Variants in NFYC observed in about 807,000 individuals in gnomAD.
The protein encoded by NFYC is CAAT box DNA-binding protein subunit C.
In NFYC, 25 loss-of-function variants were observed where a neutral mutation model predicts 53.1. The ratio of observed to expected loss-of-function variants is 0.47; its 90% CI spans 0.34 to 0.66. The LOEUF is 0.66. NFYC is among the 30% of genes least tolerant of loss of function. The pLI is 0.01. For synonymous variants in NFYC, 145 were observed against 152.6 expected (o/e 0.95, Z 0.37); for missense variants, 260 against 422.7 (o/e 0.62, Z 3.38).
intron 1 of NFYC, among the ~76,000 whole-genome samples, chr1:40,703,347 C>G (rs1292447881): frequency 6.6e-6 from 1 of 151,482 alleles, no homozygotes; most frequent in East Asian, 1.9e-4. Flanking sequence ...TAAAAATTAG[C>G]TGGGTGTGGT....
chr1:40,740,345 A>G (rs1645273697), intron 2 of NFYC, among the ~76,000 whole-genome samples: 1 of 152,240 alleles, frequency 6.6e-6, no homozygotes, highest in Non-Finnish European at 1.5e-5. Flanking sequence ...AATGAACCAG[A>G]CAGACAGGAT....
intron 1 of NFYC, among the ~76,000 whole-genome samples, chr1:40,715,239 A>G (rs1644088630): frequency 6.6e-6 from 1 of 151,910 alleles, no homozygotes; most frequent in South Asian, 2.1e-4. Context: ...CCCAGCCTTT[A>G]CTAAAAAAAC....
intron 1 of NFYC, among the ~76,000 whole-genome samples, chr1:40,697,466 G>GT (rs1164219076): frequency 1.3e-5 from 2 of 152,192 alleles, no homozygotes; most frequent in African/African-American, 2.4e-5. Context: ...AGGATCATTT[G>GT]TTTCAGGGAA....
chr1:40,766,476 C>T, intron 7 of NFYC, 120 bp from the exon 8 acceptor site: 1 of 701,542 alleles, frequency 1.4e-6, no homozygotes, highest in Non-Finnish European at 2.4e-6. Flanking sequence ...TTTTTCAGGG[C>T]AGGCTTCTTT....
rs922616935 is a variant in NFYC at position 40,766,797 on chromosome 1, C to T, written c.828+94C>T. On this transcript the variant is annotated intron_variant, in intron 8 of 9. Coordinates refer to ENST00000447388, the MANE Select transcript of NFYC (RefSeq NM_014223.5). ...CGCTCAGCACACAGCTGTCTTGCCACCTCATCCTTCAACCAGAAGCACCAC... is the reference window on the plus strand; with the variant it reads ...CGCTCAGCACACAGCTGTCTTGCCATCTCATCCTTCAACCAGAAGCACCAC... 7 of 1,487,600 alleles carry T rather than the reference C, an allele frequency of 4.7e-6. No homozygotes were observed. The African/African-American group carries it at 6.9e-5, about 15-fold the overall frequency. The allele number at this position is 1,487,600 out of a possible 1,614,324, so 92.2% of individuals were successfully genotyped here. A position where few individuals can be genotyped will look rare whatever the true frequency, so the allele number is the denominator to read the frequency against.
At chr1:40,728,105 G>A (rs1291701547) in intron 1 of NFYC, among the ~76,000 whole-genome samples, 1 of 151,736 alleles carries the variant, frequency 6.6e-6, no homozygotes, top group African/African-American at 2.4e-5. Flanking sequence ...GTAGAGATGG[G>A]GTTTCATTAT....
chr1:40,702,770 A>G (rs1390848224), intron 1 of NFYC, among the ~76,000 whole-genome samples: 1 of 152,170 alleles, frequency 6.6e-6, no homozygotes, highest in African/African-American at 2.4e-5. Context: ...TGGGTGAGAG[A>G]TAATGGGTCA....
chr1:40,748,496 A>G (rs1310055982), intron 3 of NFYC, among the ~76,000 whole-genome samples: 2 of 152,238 alleles, frequency 1.3e-5, no homozygotes, highest in African/African-American at 4.8e-5. Context: ...TCAACAGGAC[A>G]GTGCCATCAT....
Position 40,762,935 on chromosome 1 carries a change from TG to T in NFYC, c.610del (p.Val204SerfsTer22). 2 of 1,610,730 alleles carry T rather than the reference TG, an allele frequency of 1.2e-6. No individual in the cohort carries two copies. Among genetic ancestry groups the T allele is most frequent in the Non-Finnish European group, 1.7e-6 (2 of 1,178,260 alleles). ...TTGGAGAAGGTCAGCAGGTGCAGAT[TG>T]TCCAGGCTCAGCCACAGGGTCAAGC... Reference protein sequence around the residue: ...QVGEGQQVQIVQAQPQGQAQQ... With the variant: ...QVGEGQQVQIXQAQPQGQAQQ... On this transcript the variant is annotated frameshift_variant, in exon 7 of 10. Coordinates refer to ENST00000447388, the MANE Select transcript of NFYC (RefSeq NM_014223.5). LOFTEE classifies it high-confidence loss of function.
At chr1:40,698,846 C>T (rs572956036) in intron 1 of NFYC, among the ~76,000 whole-genome samples, 4 of 152,162 alleles carry the variant, frequency 2.6e-5, no homozygotes, top group South Asian at 4.2e-4. Flanking sequence ...TGATCTTGAG[C>T]AGTGTTTCAA....
At chr1:40,703,480 T>TAAA (rs57102599) in intron 1 of NFYC, among the ~76,000 whole-genome samples, 4 of 97,738 alleles carry the variant, frequency 4.1e-5, no homozygotes, top group African/African-American at 1.8e-4. Context: ...CAATTAGCCC[T>TAAA]AAAAAAAAAA....
At chr1:40,728,305 T>C (rs1644612481) in intron 1 of NFYC, among the ~76,000 whole-genome samples, 1 of 152,140 alleles carries the variant, frequency 6.6e-6, no homozygotes, top group African/African-American at 2.4e-5. Context: ...GGTGTTAAAA[T>C]ACTAATCTCG....
intron 1 of NFYC, among the ~76,000 whole-genome samples, chr1:40,724,822 A>C (rs1470400360): frequency 2.6e-5 from 4 of 152,202 alleles, no homozygotes; most frequent in Non-Finnish European, 4.4e-5. Flanking sequence ...TTTTGAAGGA[A>C]AAGTGGCTCT....
At position 40,762,938 on chromosome 1, in the gene NFYC, C is replaced by T. The variant is rs759192776; in HGVS notation, c.612C>T (p.Val204=). ...GAGAAGGTCAGCAGGTGCAGATTGT[C>T]CAGGCTCAGCCACAGGGTCAAGCCC... ...QVGEGQQVQI[V]QAQPQGQAQQ... The change falls in exon 7 of 10, where the codon GTC becomes GTT. Residue 204 remains valine, a synonymous_variant. Coordinates refer to ENST00000447388, the MANE Select transcript of NFYC (RefSeq NM_014223.5). 2.3e-5 allele frequency: 37 copies of T among 1,611,416 alleles called. No individual in the cohort carries two copies. Among genetic ancestry groups the T allele is most frequent in the Non-Finnish European group, 3.0e-5 (35 of 1,178,598 alleles).
At chr1:40,693,277 C>A (rs976567322) in intron 1 of NFYC, among the ~76,000 whole-genome samples, 1 of 152,120 alleles carries the variant, frequency 6.6e-6, no homozygotes, top group African/African-American at 2.4e-5. Flanking sequence ...TTCCAGTCAA[C>A]TTGTTGGGAA....
intron 1 of NFYC, among the ~76,000 whole-genome samples, chr1:40,732,946 T>A (rs1253904118): frequency 6.6e-6 from 1 of 151,500 alleles, no homozygotes; most frequent in African/African-American, 2.4e-5. Flanking sequence ...ATAGCTTGTG[T>A]AACCATTTCC....
chr1:40,769,689 T>C (rs915854147), intron 9 of NFYC, among the ~76,000 whole-genome samples: 1 of 152,178 alleles, frequency 6.6e-6, no homozygotes, highest in Admixed American at 6.5e-5. Context: ...GCCTTGTCCA[T>C]GCTCCCCTAG....
At chr1:40,769,787 G>A (rs1006844957) in intron 9 of NFYC, among the ~76,000 whole-genome samples, 1 of 152,136 alleles carries the variant, frequency 6.6e-6, no homozygotes, top group Non-Finnish European at 1.5e-5. Context: ...CCATGATGCT[G>A]TTTTAATAGC....
intron 1 of NFYC, among the ~76,000 whole-genome samples, chr1:40,732,084 T>C (rs1174969466): frequency 6.6e-6 from 1 of 152,230 alleles, no homozygotes; most frequent in African/African-American, 2.4e-5. Context: ...TAGCGGAGCT[T>C]CCTGTGGTCT....
Sources: gnomAD v4.1 joint callset for allele counts (sites outside exome capture counted in the v4.1 genomes callset) on GRCh38, gnomAD v4.1.1 for gene constraint, MANE v1.5 for transcripts, NCBI Gene and HGNC (gene_info 2026-07-23, HGNC 2026-07-21) for gene names.